Variants in SLIT3 observed in about 807,000 individuals in gnomAD.
SLIT3 encodes the protein slit homolog 3 protein.
A neutral mutation model predicts 184.0 loss-of-function variants in SLIT3; 68 were observed. The observed-to-expected ratio is 0.37, with a 90% confidence interval of 0.30 to 0.45. The LOEUF (loss-of-function observed/expected upper bound fraction) is 0.45. Among genes scored for constraint, SLIT3 ranks in the 20% least tolerant of loss-of-function variants. SLIT3 has a pLI of 1.00. For missense variants in SLIT3, 1,707 were observed against 2,026.0 expected (o/e 0.84, Z 3.02); for synonymous variants, 831 against 828.6 (o/e 1.00, Z -0.05).
At chr5:169,181,197 T>A (rs760557064) in intron 4 of SLIT3, among the ~76,000 whole-genome samples, 14 of 152,180 alleles carry the variant, frequency 9.2e-5, no homozygotes, top group Non-Finnish European at 1.9e-4. Flanking sequence ...TGTCTTGCAC[T>A]AAAGTGAAAT....
At chr5:168,999,204 C>T (rs1053725812) in intron 4 of SLIT3, among the ~76,000 whole-genome samples, 1 of 152,068 alleles carries the variant, frequency 6.6e-6, no homozygotes, top group African/African-American at 2.4e-5. Flanking sequence ...GTGAGTCACC[C>T]TTTAGGAGGT....
chr5:169,223,529 A>G (rs780507246), intron 3 of SLIT3, among the ~76,000 whole-genome samples: 1 of 152,164 alleles, frequency 6.6e-6, no homozygotes, highest in Non-Finnish European at 1.5e-5. Flanking sequence ...CTCCTACCTG[A>G]TGGGATTTAG....
At chr5:169,021,944 G>A (rs1756616245) in intron 4 of SLIT3, among the ~76,000 whole-genome samples, 1 of 151,092 alleles carries the variant, frequency 6.6e-6, no homozygotes, top group Admixed American at 6.6e-5. Context: ...TGTAATGGAA[G>A]TACACATATA....
chr5:168,814,251 G>T (rs1160878927), intron 8 of SLIT3, among the ~76,000 whole-genome samples: 2 of 152,112 alleles, frequency 1.3e-5, no homozygotes, highest in Non-Finnish European at 2.9e-5. Context: ...CAAAAAATTA[G>T]CTAGGCAGGG....
At chr5:168,838,670 C>G (rs1758138760) in intron 6 of SLIT3, among the ~76,000 whole-genome samples, 1 of 152,136 alleles carries the variant, frequency 6.6e-6, no homozygotes, top group South Asian at 2.1e-4. Flanking sequence ...CAACCCCGCT[C>G]TAGGAGAGTG....
intron 4 of SLIT3, among the ~76,000 whole-genome samples, chr5:169,065,840 A>G (rs951158742): frequency 1.3e-5 from 2 of 152,234 alleles, no homozygotes; most frequent in Non-Finnish European, 2.9e-5. Flanking sequence ...TGATTCCATC[A>G]AGGCTACTTT....
chr5:169,207,809 G>A (rs1764125232), intron 3 of SLIT3, among the ~76,000 whole-genome samples: 1 of 152,144 alleles, frequency 6.6e-6, no homozygotes, highest in Admixed American at 6.5e-5. Flanking sequence ...CCATGAGGGT[G>A]GAGCCCTCAT....
At chr5:168,807,455 A>G (rs1438329137) in intron 8 of SLIT3, among the ~76,000 whole-genome samples, 9 of 152,202 alleles carry the variant, frequency 5.9e-5, no homozygotes, top group Non-Finnish European at 1.0e-4. Flanking sequence ...ATTCCCTCAA[A>G]GTGAGGTAAG....
At chr5:168,906,269 C>T (rs971049363) in intron 4 of SLIT3, among the ~76,000 whole-genome samples, 8 of 152,178 alleles carry the variant, frequency 5.3e-5, no homozygotes, top group African/African-American at 7.2e-5. Context: ...TGGTTTGGTG[C>T]GACCCTTCCT....
chr5:168,959,949 C>T (rs768800290), intron 4 of SLIT3, among the ~76,000 whole-genome samples: 3 of 152,130 alleles, frequency 2.0e-5, no homozygotes, highest in Non-Finnish European at 2.9e-5. Context: ...GCTAAGGGAA[C>T]GAAGGCTCAG....
At chr5:168,744,607 G>A (rs757358557) in intron 20 of SLIT3, among the ~76,000 whole-genome samples, 2 of 152,152 alleles carry the variant, frequency 1.3e-5, no homozygotes, top group African/African-American at 2.4e-5. Context: ...CTCATTTACC[G>A]TTCTGAAAAT....
rs112458150 is a variant in SLIT3, at chr5:169,214,221, A to G, written c.342-20671T>C. On this transcript the variant is annotated intron_variant, in intron 3 of 35. Transcript: ENST00000519560. ...AATAAGTGCTCAATATCTGGTTCCAAGTAAGTTGACAACACCCGCTTCATG... is the reference window on the plus strand; with the variant it reads ...AATAAGTGCTCAATATCTGGTTCCAGGTAAGTTGACAACACCCGCTTCATG... Among the ~76,000 whole-genome samples the G allele has an allele frequency of 9.1e-4, 138 of 152,332 alleles. 3 individuals are homozygous for G. Among genetic ancestry groups the G allele is most frequent in the Middle Eastern group, 3.4e-3 (1 of 294 alleles).
chr5:168,668,142 CCCCAAGGTAAGACAA>C (rs1237674127), intron 35 of SLIT3, among the ~76,000 whole-genome samples: 1 of 152,090 alleles, frequency 6.6e-6, no homozygotes, highest in Non-Finnish European at 1.5e-5. Flanking sequence ...GAGAAAGATC[CCCCAAGGTAAGACAA>C]CCATTTTAAT....
chr5:169,253,819 G>A (rs1232913044), intron 1 of SLIT3, among the ~76,000 whole-genome samples: 3 of 152,080 alleles, frequency 2.0e-5, no homozygotes, highest in Non-Finnish European at 2.9e-5. Flanking sequence ...CTCTTCCTAC[G>A]GGTAAAAAAA....
chr5:169,223,680 G>C (rs1336400587), intron 3 of SLIT3, among the ~76,000 whole-genome samples: 1 of 152,182 alleles, frequency 6.6e-6, no homozygotes, highest in Non-Finnish European at 1.5e-5. Context: ...AGCTTTTTAG[G>C]AGAGACCTTT....
intron 4 of SLIT3, among the ~76,000 whole-genome samples, chr5:168,967,299 G>A (rs1333913448): frequency 1.3e-5 from 2 of 151,752 alleles, no homozygotes; most frequent in Non-Finnish European, 1.5e-5. Flanking sequence ...ATTATTTCTA[G>A]GTGAACAATC....
At chr5:168,713,466 A>T (rs1254533372) in intron 23 of SLIT3, among the ~76,000 whole-genome samples, 1 of 152,208 alleles carries the variant, frequency 6.6e-6, no homozygotes, top group African/African-American at 2.4e-5. Context: ...TCAACTGCAT[A>T]AAAAAATCTG....
At chr5:169,255,147 C>T (rs1213712127) in intron 1 of SLIT3, among the ~76,000 whole-genome samples, 4 of 152,204 alleles carry the variant, frequency 2.6e-5, no homozygotes, top group Non-Finnish European at 1.5e-5. Flanking sequence ...TGTACAGTAC[C>T]TAATACTTGA....
chr5:168,949,788 C>T (rs1762594462), intron 4 of SLIT3, among the ~76,000 whole-genome samples: 1 of 152,100 alleles, frequency 6.6e-6, no homozygotes, highest in Non-Finnish European at 1.5e-5. Flanking sequence ...AATGGGCTCT[C>T]ACTATGTTAC....
Sources: gnomAD v4.1 joint callset for allele counts (sites outside exome capture counted in the v4.1 genomes callset) on GRCh38, gnomAD v4.1.1 for gene constraint, MANE v1.5 for transcripts, NCBI Gene and HGNC (gene_info 2026-07-23, HGNC 2026-07-21) for gene names.